RELN: variants seen among roughly 807,000 people sequenced by gnomAD.
The protein encoded by RELN is reelin.
Under a neutral mutation model 427.6 loss-of-function variants are expected in RELN, and 108 were observed. The ratio of observed to expected loss-of-function variants is 0.25; its 90% confidence interval spans 0.22 to 0.30. The LOEUF is 0.30. Among genes scored for constraint, RELN ranks in the 10% least tolerant of loss-of-function variants. RELN has a pLI of 1.00. For synonymous variants in RELN, 1,524 were observed against 1,513.4 expected (o/e 1.01, Z -0.16); for missense variants, 3,715 against 4,302.8 (o/e 0.86, Z 3.82).
At chr7:103,773,588 G>T (rs959065759) in intron 4 of RELN, among the ~76,000 whole-genome samples, 1 of 151,756 alleles carries the variant, frequency 6.6e-6, no homozygotes, top group Non-Finnish European at 1.5e-5. Flanking sequence ...TCCTGCCTCA[G>T]CCTCCTGAGT....
At chr7:103,666,954 C>T (rs1833280750) in intron 11 of RELN, among the ~76,000 whole-genome samples, 1 of 152,160 alleles carries the variant, frequency 6.6e-6, no homozygotes, top group Non-Finnish European at 1.5e-5. Flanking sequence ...GTATTTTTAA[C>T]TCTAATCTTC....
At chr7:103,607,043 G>A (rs1276943531) in intron 22 of RELN, among the ~76,000 whole-genome samples, 2 of 138,610 alleles carry the variant, frequency 1.4e-5, no homozygotes, top group Admixed American at 1.7e-4. Flanking sequence ...GTATTCCATG[G>A]TATATATGTA....
At chr7:103,745,081 T>C (rs1312200516) in intron 6 of RELN, among the ~76,000 whole-genome samples, 1 of 152,206 alleles carries the variant, frequency 6.6e-6, no homozygotes, top group Non-Finnish European at 1.5e-5. Flanking sequence ...TCAAGTGGGC[T>C]TCATCCCTGG....
At chr7:103,729,392 C>T (rs112081121) in intron 6 of RELN, among the ~76,000 whole-genome samples, 40 of 152,112 alleles carry the variant, frequency 2.6e-4, no homozygotes, top group African/African-American at 8.9e-4. Flanking sequence ...CACTGCACGT[C>T]AAAAATTGGC....
At chr7:103,625,629 A>C (rs901238224) in intron 20 of RELN, among the ~76,000 whole-genome samples, 2 of 152,160 alleles carry the variant, frequency 1.3e-5, no homozygotes, top group Non-Finnish European at 2.9e-5. Flanking sequence ...GAGAGTAAGT[A>C]TCATTGCTCC....
At chr7:103,666,003 T>C (rs1400066120) in intron 11 of RELN, among the ~76,000 whole-genome samples, 3 of 152,046 alleles carry the variant, frequency 2.0e-5, no homozygotes, top group African/African-American at 4.8e-5. Flanking sequence ...TTATAGTTAA[T>C]ACTTAATTTC....
At chr7:103,600,041 CATGCCCCACT>C (rs67074522) in intron 24 of RELN, among the ~76,000 whole-genome samples, 16,858 of 152,122 alleles carry the variant, frequency 0.11, 989 homozygotes, top group South Asian at 0.19. Flanking sequence ...GGAGTACAGG[CATGCCCCACT>C]ATGCCCAGCT....
intron 17 of RELN, among the ~76,000 whole-genome samples, chr7:103,637,364 G>A (rs3025969): frequency 0.017 from 2,597 of 152,280 alleles, 32 homozygotes; most frequent in African/African-American, 0.035. Context: ...GCTGAAGTCT[G>A]AAACAAGCCT....
chr7:103,490,668 C>T lies in RELN; in HGVS notation c.9605G>A (p.Ser3202Asn), dbSNP rs1406719754. ...TIQLPDHVSS[S>N]ATQFRWIQKG... ...AAGTTTACCTTAATTTGCAACCTAC[C>T]TAGAGGAGACATGGTCAGGCAGCTG... Residue 3202 changes from serine to asparagine, a missense_variant and splice_region_variant, in exon 59 of 65, where the codon AGT becomes AAT. Coordinates refer to ENST00000428762, the MANE Select transcript of RELN (RefSeq NM_005045.4). The T allele has an allele frequency of 6.2e-7, 1 of 1,614,026 alleles. No individual in the cohort carries two copies. Among genetic ancestry groups the T allele is most frequent in the African/African-American group, 1.3e-5 (1 of 74,922 alleles).
chr7:103,495,985 C>T, intron 56 of RELN, 87 bp from the exon 57 acceptor site: 1 of 1,381,702 alleles, frequency 7.2e-7, no homozygotes, highest in South Asian at 1.2e-5. Flanking sequence ...CTTGAACTGA[C>T]CGATTTATTG....
intron 51 of RELN, among the ~76,000 whole-genome samples, chr7:103,509,106 C>A (rs893003984): frequency 8.5e-5 from 13 of 152,144 alleles, no homozygotes; most frequent in Non-Finnish European, 1.2e-4. Flanking sequence ...TCAATGCTAT[C>A]CCCATCAAGC....
chr7:103,961,846 T>G (rs925381993), intron 1 of RELN, among the ~76,000 whole-genome samples: 1 of 152,144 alleles, frequency 6.6e-6, no homozygotes, highest in Non-Finnish European at 1.5e-5. Context: ...TGTCTGAGAG[T>G]AGGAAGCATG....
chr7:103,491,179 C>T (rs181681222), intron 58 of RELN, among the ~76,000 whole-genome samples: 11 of 152,234 alleles, frequency 7.2e-5, no homozygotes, highest in East Asian at 1.9e-4. Flanking sequence ...AGGTGATAGT[C>T]GGAGGGCTAT....
chr7:103,904,631 G>A (rs958041281), intron 2 of RELN, among the ~76,000 whole-genome samples: 10 of 152,178 alleles, frequency 6.6e-5, no homozygotes, highest in Non-Finnish European at 1.3e-4. Flanking sequence ...AAATGGATGA[G>A]TCTCATGTGG....
In RELN at chr7:103,596,549, C is replaced by A. The variant is rs1321540461; in HGVS notation, c.3446G>T (p.Arg1149Ile). 1 of 1,613,874 alleles carries A rather than the reference C, an allele frequency of 6.2e-7. No homozygotes were observed. Among genetic ancestry groups the A allele is most frequent in the Middle Eastern group, 1.6e-4 (1 of 6,082 alleles). Reference sequence around the variant, plus strand: ...GTACTGAAGGAGGACGCCCTCCTCTCTGCTGTCAGGCTTGTTGCATGAAGC... The same window carrying A: ...GTACTGAAGGAGGACGCCCTCCTCTATGCTGTCAGGCTTGTTGCATGAAGC... ...ESASCNKPDS[R>I]EEGVLLQYSN... The change falls in exon 25 of 65, where the codon AGA becomes ATA. Residue 1149 changes from arginine (R) to isoleucine (I), a missense_variant. Coordinates refer to ENST00000428762, the MANE Select transcript of RELN (RefSeq NM_005045.4).
At chr7:103,551,020 A>G (rs777781463) in intron 41 of RELN, 47 bp downstream of exon 41, 37 of 1,494,482 alleles carry the variant, frequency 2.5e-5, no homozygotes, top group Middle Eastern at 2.1e-4. Context: ...TTCAGGAATA[A>G]ACTGTCAAAG....
At chr7:103,890,598 T>C (rs10226733) in intron 2 of RELN, among the ~76,000 whole-genome samples, 40,111 of 151,904 alleles carry the variant, frequency 0.26, 5,941 homozygotes, top group African/African-American at 0.4. Context: ...AAAATCATCT[T>C]CCAAGAAACT....
chr7:103,872,031 TTTTTC>T (rs1198906099), intron 2 of RELN, among the ~76,000 whole-genome samples: 27 of 63,546 alleles, frequency 4.2e-4, no homozygotes, highest in Middle Eastern at 7.2e-3. Flanking sequence ...TATATATATA[TTTTTC>T]TTTTTTCTTT....
At chr7:103,773,210 T>C (rs1189738198) in intron 4 of RELN, among the ~76,000 whole-genome samples, 2 of 130,960 alleles carry the variant, frequency 1.5e-5, no homozygotes, top group African/African-American at 6.6e-5. Flanking sequence ...TCTCTCTCTC[T>C]CTCTCTCCCT....
Sources: gnomAD v4.1 joint callset for allele counts (sites outside exome capture counted in the v4.1 genomes callset) on GRCh38, gnomAD v4.1.1 for gene constraint, MANE v1.5 for transcripts, NCBI Gene and HGNC (gene_info 2026-07-23, HGNC 2026-07-21) for gene names.